DPP10: variants seen among roughly 807,000 people sequenced by gnomAD.
The protein encoded by DPP10 is inactive dipeptidyl peptidase 10.
A neutral mutation model predicts 120.9 loss-of-function variants in DPP10; 33 were observed. That is an observed-to-expected ratio of 0.27 (90% confidence interval 0.21 to 0.37). The LOEUF is 0.37. DPP10 is among the 10% of genes least tolerant of loss of function. The pLI is 1.00. For missense variants in DPP10, 816 were observed against 942.8 expected, an observed-to-expected ratio of 0.87 and a Z score of 1.76; for synonymous variants, 337 against 326.1, an observed-to-expected ratio of 1.03 and a Z score of -0.36.
At chr2:114,719,718 T>C (rs1355031818) in intron 1 of DPP10, among the ~76,000 whole-genome samples, 1 of 152,072 alleles carries the variant, frequency 6.6e-6, no homozygotes, top group Non-Finnish European at 1.5e-5. Flanking sequence ...ACATATAAGT[T>C]TGATAATGTG....
chr2:114,935,681 C>T (rs1696407729), intron 1 of DPP10, among the ~76,000 whole-genome samples: 1 of 140,034 alleles, frequency 7.1e-6, no homozygotes, highest in Non-Finnish European at 1.6e-5. Flanking sequence ...GTTATTTGCT[C>T]AAGTGTGTGT....
Position 115,780,897 on chromosome 2 carries a change from A to C in DPP10, c.1385A>C (p.Asn462Thr). ...LYSASTEGLLNRQCISCNFMK... is the reference protein window; with the variant it reads ...LYSASTEGLLTRQCISCNFMK... The stretch of plus-strand genomic sequence containing the variant: ...AGTGCTTCTACTGAAGGATTATTGA[A>C]TCGCCAATGCATTTCATGTAATTTC... Residue 462 changes from asparagine (N) to threonine (T), a missense_variant, in exon 16 of 26, where the codon AAT (asparagine) becomes ACT (threonine). Physicochemically the swap from Asn to Thr is moderately conservative, Grantham distance 65. Around this residue, in one of 3 missense-constraint regions of DPP10, gnomAD observed 592 missense variants for 649.0 expected, o/e 0.91. Coordinates refer to ENST00000410059, the MANE Select transcript of DPP10 (RefSeq NM_020868.6). The C allele has an allele frequency of 1.2e-6, 2 of 1,603,648 alleles. No homozygotes were observed. The highest frequency in any genetic ancestry group is 1.7e-6 in the Non-Finnish European group (2 of 1,173,440).
At position 115,621,441 on chromosome 2, in the gene DPP10, A is replaced by G. The variant is rs142154296; in HGVS notation, c.442-68246A>G. On this transcript the variant is annotated intron_variant, in intron 5 of 25. Coordinates refer to ENST00000410059, the MANE Select transcript of DPP10 (RefSeq NM_020868.6). Reference sequence around the variant, plus strand: ...CAGTTGACACAAGACAAATCTAAATAAAAAATGAGAACATGAGCCCCCTTA... The same window carrying G: ...CAGTTGACACAAGACAAATCTAAATGAAAAATGAGAACATGAGCCCCCTTA... 3.6e-3 allele frequency among the ~76,000 whole-genome samples: 547 copies of G among 152,330 alleles called. 3 individuals are homozygous for G. Among genetic ancestry groups the G allele is most frequent in the African/African-American group, 0.013 (524 of 41,582 alleles).
At chr2:114,725,330 C>A (rs954714944) in intron 1 of DPP10, among the ~76,000 whole-genome samples, 9 of 152,128 alleles carry the variant, frequency 5.9e-5, no homozygotes, top group African/African-American at 2.2e-4. Flanking sequence ...GTCTGATATG[C>A]TTCTTGAATC....
intron 1 of DPP10, among the ~76,000 whole-genome samples, chr2:114,471,656 T>G (rs1010776477): frequency 1.3e-5 from 2 of 152,158 alleles, no homozygotes; most frequent in African/African-American, 4.8e-5. Context: ...TAAAATGACG[T>G]GGGTTGTAAA....
intron 1 of DPP10, among the ~76,000 whole-genome samples, chr2:115,118,711 C>G (rs1244355693): frequency 6.6e-6 from 1 of 151,578 alleles, no homozygotes. Flanking sequence ...TCCCAAGTAG[C>G]TGGGGCTACA....
chr2:115,105,056 G>A lies in DPP10; in HGVS notation c.61-204183G>A, dbSNP rs1485825018. 2.0e-5 allele frequency among the ~76,000 whole-genome samples: 3 copies of A among 151,928 alleles called. No individual in the cohort carries two copies. The East Asian group carries it at 5.8e-4, about 29-fold the overall frequency. The stretch of plus-strand genomic sequence containing the variant: ...AAATCAACGTTTGCTTGAATTGATT[G>A]AATTTCCCCATGGTTACAAGGAAAT... On this transcript the variant is annotated intron_variant, in intron 1 of 25. Coordinates refer to ENST00000410059, the MANE Select transcript of DPP10 (RefSeq NM_020868.6).
chr2:114,615,912 T>A (rs940743060), intron 1 of DPP10, among the ~76,000 whole-genome samples: 3 of 152,184 alleles, frequency 2.0e-5, no homozygotes, highest in African/African-American at 7.2e-5. Context: ...GTGCTCATTA[T>A]CTGATAAGGT....
At chr2:115,641,806 G>C (rs2086805392) in intron 5 of DPP10, among the ~76,000 whole-genome samples, 1 of 152,092 alleles carries the variant, frequency 6.6e-6, no homozygotes, top group South Asian at 2.1e-4. Context: ...TGAAATTATG[G>C]AATACTGGTG....
chr2:114,987,360 A>G (rs1466129081), intron 1 of DPP10, among the ~76,000 whole-genome samples: 1 of 152,148 alleles, frequency 6.6e-6, no homozygotes, highest in Admixed American at 6.6e-5. Context: ...TTTTTAAATA[A>G]GTAACTCTCC....
intron 1 of DPP10, among the ~76,000 whole-genome samples, chr2:114,864,228 G>A (rs1414613050): frequency 6.6e-6 from 1 of 152,122 alleles, no homozygotes; most frequent in East Asian, 1.9e-4. Flanking sequence ...CTTTGGTGGT[G>A]TAGATTTACT....
chr2:115,810,393 G>T (rs1015436172), intron 19 of DPP10, among the ~76,000 whole-genome samples: 1 of 152,094 alleles, frequency 6.6e-6, no homozygotes, highest in Non-Finnish European at 1.5e-5. Context: ...CAAACATGTA[G>T]TTTGAACAAA....
intron 1 of DPP10, among the ~76,000 whole-genome samples, chr2:114,671,770 G>T (rs1412270672): frequency 6.6e-6 from 1 of 152,080 alleles, no homozygotes; most frequent in Non-Finnish European, 1.5e-5. Flanking sequence ...TTTATCAGTT[G>T]TGTTGTGTGC....
At chr2:114,764,028 C>T (rs1024338478) in intron 1 of DPP10, among the ~76,000 whole-genome samples, 1 of 152,064 alleles carries the variant, frequency 6.6e-6, no homozygotes, top group Admixed American at 6.6e-5. Flanking sequence ...CTGAAAAGAG[C>T]ACATCAAATA....
intron 1 of DPP10, among the ~76,000 whole-genome samples, chr2:114,865,131 G>T (rs578206585): frequency 6.6e-6 from 1 of 152,308 alleles, no homozygotes; most frequent in South Asian, 2.1e-4. Flanking sequence ...TGCTAGTAAA[G>T]TTGTGCTGTG....
At chr2:114,645,778 C>T (rs1287073630) in intron 1 of DPP10, among the ~76,000 whole-genome samples, 7 of 152,092 alleles carry the variant, frequency 4.6e-5, no homozygotes, top group African/African-American at 1.7e-4. Context: ...CTTTCCAGGG[C>T]CCTAAATATT....
intron 10 of DPP10, chr2:115,749,958 A>G (rs1678496124): frequency 1.7e-5 from 17 of 983,808 alleles, no homozygotes; most frequent in Middle Eastern, 5.2e-4. Context: ...CTTGAGTGCA[A>G]TCCCTCTAAC....
At chr2:115,374,836 G>C (rs1042961952) in intron 3 of DPP10, among the ~76,000 whole-genome samples, 1 of 152,218 alleles carries the variant, frequency 6.6e-6, no homozygotes, top group Non-Finnish European at 1.5e-5. Context: ...TGGAGTGCTG[G>C]GATGTAGGGT....
intron 1 of DPP10, among the ~76,000 whole-genome samples, chr2:114,848,014 A>G (rs1274126436): frequency 1.3e-5 from 2 of 152,188 alleles, no homozygotes; most frequent in South Asian, 2.1e-4. Flanking sequence ...ACACTGCCAA[A>G]AGTATCAGTT....
Sources: allele counts gnomAD v4.1 joint callset (sites outside exome capture counted in the v4.1 genomes callset), GRCh38; gene constraint gnomAD v4.1.1; regional missense constraint gnomAD v4.1.1; transcripts MANE v1.5; gene names NCBI Gene and HGNC (gene_info 2026-07-23, HGNC 2026-07-21).